RBM23: variants seen among roughly 807,000 people sequenced by gnomAD.
RBM23 encodes the protein RNA binding motif protein 23, also known as probable RNA-binding protein 23.
RBM23 carries 53 observed loss-of-function variants against 56.2 expected under a neutral mutation model. The ratio of observed to expected loss-of-function variants is 0.94; its 90% CI spans 0.76 to 1.19. RBM23 has a LOEUF of 1.19. Ranked by LOEUF, RBM23 falls within the 50% of genes most tolerant of loss-of-function variation. RBM23 has a pLI of 0.00. For missense variants in RBM23, 642 were observed against 590.3 expected (o/e 1.09, Z -0.91); for synonymous variants, 197 against 198.5 (o/e 0.99, Z 0.06).
Position 22,908,377 on chromosome 14 carries a change from C to T in RBM23, c.183G>A (p.Lys61=), listed in dbSNP as rs1232101433. 3.1e-5 allele frequency: 48 copies of T among 1,548,096 alleles called. No homozygotes were observed. The highest frequency in any genetic ancestry group is 3.9e-5 in the Non-Finnish European group (45 of 1,146,640). ...GSSTIGETSK[K]KRSRSHNKSR... is the part of the protein sequence containing the mutation. ...TTTTATTATGGCTCCGACTCCTCTT[C>T]TTCCTGTGAAAGAGAGTACATTCTT... The change falls in exon 4 of 14, where the codon AAG becomes AAA. Residue 61 remains lysine, a synonymous_variant. Coordinates refer to ENST00000359890, the MANE Select transcript of RBM23 (RefSeq NM_001077351.2).
chr14:22,901,508 G>C lies in RBM23; in HGVS notation c.*222C>G. 3.2e-6 allele frequency: 2 copies of C among 633,160 alleles called. No homozygotes were observed. Among genetic ancestry groups the C allele is most frequent in the Non-Finnish European group, 5.6e-6 (2 of 356,628 alleles). 39.2% of individuals were successfully genotyped at this position (633,160 alleles called of 1,614,324 possible). A position where few individuals can be genotyped will look rare whatever the true frequency, so the allele number is the denominator to read the frequency against. ...GGTATTCAATGCAGGTGTGGATTCTGTTCTCTTCAACTGGTGGCTTTGCTC... is the reference window on the plus strand; with the variant it reads ...GGTATTCAATGCAGGTGTGGATTCTCTTCTCTTCAACTGGTGGCTTTGCTC... On this transcript the variant is annotated 3_prime_UTR_variant, in exon 14 of 14. Coordinates refer to ENST00000359890, the MANE Select transcript of RBM23 (RefSeq NM_001077351.2).
intron 4 of RBM23, among the ~76,000 whole-genome samples, 152 bp downstream of exon 4, chr14:22,908,181 T>A (rs1040653840): frequency 6.6e-6 from 1 of 151,488 alleles, no homozygotes; most frequent in Admixed American, 6.6e-5. Context: ...CTACTACACC[T>A]GGGTAATTTT....
rs1449513515 is a variant in RBM23, at chr14:22,900,895, GT to G, written c.*834del. The G allele has an allele frequency of 6.6e-6, 1 of 152,190 alleles. No individual in the cohort carries two copies. Among genetic ancestry groups the G allele is most frequent in the East Asian group, 1.9e-4 (1 of 5,176 alleles). 9.4% of individuals were successfully genotyped at this position (152,190 alleles called of 1,614,324 possible). A position where few individuals can be genotyped will look rare whatever the true frequency, so the allele number is the denominator to read the frequency against. On this transcript the variant is annotated 3_prime_UTR_variant, in exon 14 of 14. Transcript: ENST00000359890. ...GATGGGAGTAGCTATAATTGCCAGG[GT>G]TGAGGCCACAGTAGAGGCACACAGG... is the stretch of plus-strand genomic sequence containing the variant.
At chr14:22,907,283 G>A (rs779913041) in intron 4 of RBM23, among the ~76,000 whole-genome samples, 11 of 151,956 alleles carry the variant, frequency 7.2e-5, no homozygotes, top group Admixed American at 6.6e-5. Flanking sequence ...CAGAGGTTGC[G>A]GTGAGCCAAG....
chr14:22,905,312 AG>A (rs2041340541), intron 7 of RBM23, 23 bp downstream of exon 7: 1 of 1,613,970 alleles, frequency 6.2e-7, no homozygotes, highest in Non-Finnish European at 8.5e-7. Context: ...GCTACTCAGA[AG>A]AAAACTAAGG....
rs1009278863 is a variant in RBM23 at position 22,894,501 on chromosome 14, G to C, written c.*7229C>G. On this transcript the variant is annotated 3_prime_UTR_variant, in exon 14 of 14. Coordinates refer to ENST00000359890, the MANE Select transcript of RBM23 (RefSeq NM_001077351.2). ...GGAGGCCGAGGTGGGTGGATCACTTGAGGTCAAGAGAGAGACCAGCCTGGC... is the reference window on the plus strand; with the variant it reads ...GGAGGCCGAGGTGGGTGGATCACTTCAGGTCAAGAGAGAGACCAGCCTGGC... The C allele has an allele frequency of 1.3e-5, 2 of 151,462 alleles. No individual in the cohort carries two copies. The highest frequency in any genetic ancestry group is 4.9e-5 in the African/African-American group (2 of 41,186). 9.4% of individuals were successfully genotyped at this position (151,462 alleles called of 1,614,324 possible).
At chr14:22,911,460 G>T in intron 1 of RBM23, 57 bp from the exon 2 acceptor site, 1 of 1,394,280 alleles carries the variant, frequency 7.2e-7, no homozygotes, top group Middle Eastern at 1.8e-4. Context: ...TCCCTTTCCA[G>T]CACCACACAT....
intron 9 of RBM23, 130 bp from the exon 10 acceptor site, chr14:22,904,456 A>G (rs2041174006): frequency 1.3e-6 from 1 of 754,510 alleles, no homozygotes; most frequent in South Asian, 1.7e-5. Flanking sequence ...AGCCTGGGTG[A>G]CAGAGTGAGA....
rs746246907 is a variant in RBM23, at chr14:22,901,715, T to C, written c.*15A>G. 2 of 1,612,176 alleles carry C rather than the reference T, an allele frequency of 1.2e-6. No homozygotes were observed. Among genetic ancestry groups the C allele is most frequent in the Non-Finnish European group, 8.5e-7 (1 of 1,178,222 alleles). The stretch of plus-strand genomic sequence containing the variant: ...GATCCAGAGGCACAAGGAGGCAGTA[T>C]ACTGTGCCACTGATTTACCTGTGGA... On this transcript the variant is annotated 3_prime_UTR_variant, in exon 14 of 14. Transcript: ENST00000359890.
chr14:22,912,178 C>T (rs1375514476), intron 1 of RBM23, among the ~76,000 whole-genome samples: 1 of 151,750 alleles, frequency 6.6e-6, no homozygotes, highest in East Asian at 1.9e-4. Context: ...AAATATAAAA[C>T]GAAAAAATAA....
chr14:22,901,737 T>C lies in RBM23; in HGVS notation c.1317-4A>G. The C allele has an allele frequency of 1.9e-6, 3 of 1,613,556 alleles. No individual in the cohort carries two copies. Among genetic ancestry groups the C allele is most frequent in the East Asian group, 2.2e-5 (1 of 44,880 alleles). ...GTATACTGTGCCACTGATTTACCTG[T>C]GGAAAGAAGAGGTAAATGGGAAGCC... On this transcript the variant is annotated splice_region_variant and splice_polypyrimidine_tract_variant and intron_variant, in intron 13 of 13. Transcript: ENST00000359890.
intron 7 of RBM23, 36 bp from the exon 8 acceptor site, chr14:22,905,282 T>C (rs1381002005): frequency 6.2e-7 from 1 of 1,613,696 alleles, no homozygotes; most frequent in Non-Finnish European, 8.5e-7. Flanking sequence ...GAGTTAGGCA[T>C]AAAGGGAGAT....
Position 22,901,577 on chromosome 14 carries a change from T to G in RBM23, c.*153A>C. Reference sequence around the variant, plus strand: ...TGGGACCATGGGCAGGAGCTTTTCTTGGTATCTTAAGGGTGGCCCCAATTT... The same window carrying G: ...TGGGACCATGGGCAGGAGCTTTTCTGGGTATCTTAAGGGTGGCCCCAATTT... On this transcript the variant is annotated 3_prime_UTR_variant, in exon 14 of 14. Coordinates refer to ENST00000359890, the MANE Select transcript of RBM23 (RefSeq NM_001077351.2). The G allele has an allele frequency of 8.9e-7, 1 of 1,120,950 alleles. No homozygotes were observed. The highest frequency in any genetic ancestry group is 1.3e-6 in the Non-Finnish European group (1 of 773,730). 69.4% of individuals were successfully genotyped at this position (1,120,950 alleles called of 1,614,324 possible). A position where few individuals can be genotyped will look rare whatever the true frequency, so the allele number is the denominator to read the frequency against.
At chr14:22,916,365 T>G (rs77326309) in intron 1 of RBM23, among the ~76,000 whole-genome samples, 3,779 of 151,530 alleles carry the variant, frequency 0.025, 160 homozygotes, top group African/African-American at 0.086. Context: ...CAAGCAATCC[T>G]CTAACCTCAG....
intron 9 of RBM23, 105 bp downstream of exon 9, chr14:22,904,770 T>G (rs780315644): frequency 6.6e-7 from 1 of 1,512,832 alleles, no homozygotes; most frequent in Non-Finnish European, 9.0e-7. Context: ...CTATGACGTA[T>G]GCAGCAGGTT....
At chr14:22,906,031 T>A (rs549383867) in intron 5 of RBM23, 164 bp downstream of exon 5, 6 of 814,352 alleles carry the variant, frequency 7.4e-6, no homozygotes, top group Non-Finnish European at 1.1e-5. Context: ...ATTACAGGCA[T>A]GAGCCACCAC....
chr14:22,916,476 A>C (rs2043525963), intron 1 of RBM23, among the ~76,000 whole-genome samples: 1 of 147,128 alleles, frequency 6.8e-6, no homozygotes, highest in African/African-American at 2.5e-5. Context: ...TGGTCTCACT[A>C]TGTTGCCCAG....
At chr14:22,903,801 C>A in intron 10 of RBM23, 1 of 1,043,716 alleles carries the variant, frequency 9.6e-7, no homozygotes, top group Non-Finnish European at 1.2e-6. Flanking sequence ...CTATTCTCCC[C>A]ATAGTGCTAC....
intron 2 of RBM23, among the ~76,000 whole-genome samples, chr14:22,910,410 C>G (rs2042276191): frequency 7.2e-6 from 1 of 138,704 alleles, no homozygotes; most frequent in Non-Finnish European, 1.5e-5. Context: ...TGAGAACGCG[C>G]CACTGCACTC....
Sources: allele counts gnomAD v4.1 joint callset (sites outside exome capture counted in the v4.1 genomes callset), GRCh38; gene constraint gnomAD v4.1.1; transcripts MANE v1.5; gene names NCBI Gene and HGNC (gene_info 2026-07-23, HGNC 2026-07-21).